TBX20: variants seen among roughly 807,000 people sequenced by gnomAD.
The protein encoded by TBX20 is T-box transcription factor 20.
A neutral mutation model predicts 42.9 loss-of-function variants in TBX20; 8 were observed. The ratio of observed to expected loss-of-function variants is 0.19; its 90% CI spans 0.11 to 0.34. The LOEUF (loss-of-function observed/expected upper bound fraction) is 0.34, where lower values mean the gene tolerates loss of function less well. Ranked by LOEUF, TBX20 falls within the 10% of genes least tolerant of loss-of-function variation. The pLI is 1.00. For synonymous variants in TBX20, 198 were observed against 222.8 expected (o/e 0.89, Z 0.99); for missense variants, 411 against 566.0 (o/e 0.73, Z 2.78).
chr7:35,206,275 C>T (rs186292833), intron 6 of TBX20, among the ~76,000 whole-genome samples: 8 of 152,324 alleles, frequency 5.3e-5, no homozygotes, highest in African/African-American at 1.7e-4. Flanking sequence ...GAGCCGGGGC[C>T]GGTGGCTCAC....
intron 4 of TBX20, 36 bp from the exon 5 acceptor site, chr7:35,241,073 T>C (rs540219816): frequency 1.1e-5 from 18 of 1,600,514 alleles, no homozygotes; most frequent in Non-Finnish European, 1.5e-5. Context: ...GAATTTTACA[T>C]ACTTATACTG....
intron 1 of TBX20, 36 bp from the exon 2 acceptor site, chr7:35,250,239 CTG>C (rs1202653349): frequency 1.7e-5 from 28 of 1,610,462 alleles, no homozygotes; most frequent in Non-Finnish European, 2.0e-5. Context: ...ACAGCTGACA[CTG>C]TTCAACAAGG....
At chr7:35,206,589 TG>T (rs1375706553) in intron 6 of TBX20, among the ~76,000 whole-genome samples, 3 of 152,158 alleles carry the variant, frequency 2.0e-5, no homozygotes, top group Non-Finnish European at 4.4e-5. Context: ...TTGATCAGTT[TG>T]GGCATATGTA....
At chr7:35,243,376 C>G (rs1790119266) in intron 4 of TBX20, among the ~76,000 whole-genome samples, 1 of 152,120 alleles carries the variant, frequency 6.6e-6, no homozygotes, top group Admixed American at 6.5e-5. Context: ...TCAGGCTAGA[C>G]CCTAGAGCTT....
intron 6 of TBX20, among the ~76,000 whole-genome samples, chr7:35,206,041 G>A (rs1789393474): frequency 1.3e-5 from 2 of 152,216 alleles, no homozygotes; most frequent in South Asian, 4.1e-4. Context: ...GTTCATATAT[G>A]CCTGCATGTG....
Position 35,254,082 on chromosome 7 carries a change from G to C in TBX20, c.-462C>G, listed in dbSNP as rs974561102. ...GACGCTGGCGTGGGGAGCGCGGCGCGGAACTACGGACAGTGAGCCCTGGCG... is the reference window on the plus strand; with the variant it reads ...GACGCTGGCGTGGGGAGCGCGGCGCCGAACTACGGACAGTGAGCCCTGGCG... On this transcript the variant is annotated 5_prime_UTR_variant, in exon 1 of 8. Coordinates refer to ENST00000408931, the MANE Select transcript of TBX20 (RefSeq NM_001077653.2). 22 of 154,116 alleles carry C rather than the reference G, an allele frequency of 1.4e-4. No homozygotes were observed. Among genetic ancestry groups the C allele is most frequent in the Non-Finnish European group, 2.7e-4 (19 of 69,392 alleles). The allele number at this position is 154,116 out of a possible 1,614,324, so 9.5% of individuals were successfully genotyped here.
Position 35,240,997 on chromosome 7 carries a change from T to G in TBX20, c.695A>C (p.His232Pro), listed in dbSNP as rs1174253469. 6.2e-7 allele frequency: 1 copy of G among 1,613,876 alleles called. No individual in the cohort carries two copies. Among genetic ancestry groups the G allele is most frequent in the Non-Finnish European group, 8.5e-7 (1 of 1,179,796 alleles). ...NSMHKYQPRVHIIKKKDHTAS... is the reference protein window; with the variant it reads ...NSMHKYQPRVPIIKKKDHTAS... ...TGTGTGGTCTTTCTTCTTAATGATG[T>G]GCACCCTTGGCTGGTACTTATGCAT... The change falls in exon 5 of 8, where the codon CAC (histidine) becomes CCC (proline). Residue 232 changes from histidine to proline, a missense_variant. Physicochemically the swap from His to Pro is moderately conservative, Grantham distance 77 (BLOSUM62 -2). This residue lies in a region of TBX20 where 121 missense variants were observed against 165.9 expected (regional missense o/e 0.73). Coordinates refer to ENST00000408931, the MANE Select transcript of TBX20 (RefSeq NM_001077653.2).
Position 35,224,300 on chromosome 7 carries a change from T to G in TBX20, c.890+7204A>C, listed in dbSNP as rs138738281. ...AAGAGAAGGTACAAAACCAACTAAT[T>G]GTTTCAAGATTGATACAAAAGGTCT... On this transcript the variant is annotated intron_variant, in intron 6 of 7. Transcript: ENST00000408931. 5.4e-4 allele frequency among the ~76,000 whole-genome samples: 82 copies of G among 152,346 alleles called. No homozygotes were observed. In the East Asian group the frequency reaches 0.015, roughly 28 times the overall value.
chr7:35,240,045 T>C (rs1398352459), intron 5 of TBX20, among the ~76,000 whole-genome samples: 3 of 152,182 alleles, frequency 2.0e-5, no homozygotes, highest in Non-Finnish European at 2.9e-5. Flanking sequence ...CCACCGCACC[T>C]GGCCAAAAAT....
At chr7:35,217,514 C>T (rs988241485) in intron 6 of TBX20, among the ~76,000 whole-genome samples, 13 of 152,070 alleles carry the variant, frequency 8.5e-5, no homozygotes, top group African/African-American at 2.7e-4. Flanking sequence ...CCAGTTCATA[C>T]GGTTTTATAA....
chr7:35,208,809 A>G (rs921666058), intron 6 of TBX20, among the ~76,000 whole-genome samples: 1 of 136,904 alleles, frequency 7.3e-6, no homozygotes, highest in Non-Finnish European at 1.5e-5. Context: ...CTTGTTCTTT[A>G]TCTTACAGAA....
Position 35,248,666 on chromosome 7 carries a change from G to A in TBX20, c.545+11C>T. The A allele has an allele frequency of 6.2e-7, 1 of 1,614,058 alleles. No individual in the cohort carries two copies. On this transcript the variant is annotated intron_variant, in intron 3 of 7. Coordinates refer to ENST00000408931, the MANE Select transcript of TBX20 (RefSeq NM_001077653.2). The stretch of plus-strand genomic sequence containing the variant: ...AACAGTTTTCTCAGTGAAAAATCTG[G>A]AGGCACGAACCTGGCTGGCAACGGC...
chr7:35,247,320 T>G lies in TBX20; in HGVS notation c.545+1357A>C, dbSNP rs1186303626. On this transcript the variant is annotated intron_variant, in intron 3 of 7. Transcript: ENST00000408931. ...AACAGTAAATAGAAGAGAACACTAA[T>G]TTTATTAATTTTAATATCTATTATA... Among the ~76,000 whole-genome samples, 4 of 152,132 alleles carry G rather than the reference T, an allele frequency of 2.6e-5. No individual in the cohort carries two copies. In the South Asian group the frequency reaches 8.3e-4, roughly 32 times the overall value.
intron 5 of TBX20, among the ~76,000 whole-genome samples, chr7:35,238,977 C>T (rs1466503017): frequency 1.3e-5 from 2 of 152,002 alleles, no homozygotes; most frequent in African/African-American, 2.4e-5. Flanking sequence ...TACAGAGCAC[C>T]TTACAGCTTC....
chr7:35,234,945 G>A (rs1429357430), intron 5 of TBX20, among the ~76,000 whole-genome samples: 1 of 152,040 alleles, frequency 6.6e-6, no homozygotes, highest in African/African-American at 2.4e-5. Context: ...GTTCCTTGTA[G>A]CCCACTGTCA....
chr7:35,227,412 C>A (rs373227631), intron 6 of TBX20, among the ~76,000 whole-genome samples: 180 of 152,230 alleles, frequency 1.2e-3, no homozygotes, highest in African/African-American at 4.1e-3. Context: ...GCTCCATTCA[C>A]GGTGAGTGCC....
intron 6 of TBX20, among the ~76,000 whole-genome samples, chr7:35,225,579 G>A (rs775787985): frequency 2.0e-5 from 3 of 152,164 alleles, no homozygotes; most frequent in African/African-American, 4.8e-5. Context: ...TGTGCAGAAC[G>A]TACAAACTCG....
chr7:35,252,996 G>A (rs1228274037), intron 1 of TBX20, among the ~76,000 whole-genome samples: 3 of 152,202 alleles, frequency 2.0e-5, no homozygotes, highest in African/African-American at 4.8e-5. Context: ...TGAATAAAAT[G>A]GTTCGTGTAG....
intron 6 of TBX20, among the ~76,000 whole-genome samples, chr7:35,217,332 CA>C (rs1240549924): frequency 6.6e-6 from 1 of 152,044 alleles, no homozygotes; most frequent in East Asian, 1.9e-4. Context: ...AAAATTCTGA[CA>C]AAGTACAGAT....
Sources: allele counts gnomAD v4.1 joint callset (sites outside exome capture counted in the v4.1 genomes callset), GRCh38; gene constraint gnomAD v4.1.1; regional missense constraint gnomAD v4.1.1; transcripts MANE v1.5; gene names NCBI Gene and HGNC (gene_info 2026-07-23, HGNC 2026-07-21).